The following DPRX variants were observed in gnomAD, a reference collection of about 807,000 sequenced individuals.
DPRX encodes the protein divergent paired-related homeobox.
DPRX carries 11 observed loss-of-function variants against 8.4 expected under a neutral mutation model. The ratio of observed to expected loss-of-function variants is 1.31; its 90% CI spans 0.82 to 2.17. DPRX has a LOEUF of 2.17. Among genes scored for constraint, DPRX ranks in the 30% most tolerant of loss-of-function variants. DPRX has a pLI of 0.00. For synonymous variants in DPRX, 72 were observed against 87.0 expected, an observed-to-expected ratio of 0.83 and a Z score of 0.96; for missense variants, 211 against 236.7, an observed-to-expected ratio of 0.89 and a Z score of 0.71.
At chr19:53,635,968 T>C (rs1374778329) in intron 2 of DPRX, among the ~76,000 whole-genome samples, 1 of 152,150 alleles carries the variant, frequency 6.6e-6, no homozygotes, top group Non-Finnish European at 1.5e-5. Context: ...CTCTCATTTC[T>C]GCTCCTTCCT....
chr19:53,623,615 G>A, the DPRX span, among the ~76,000 whole-genome samples: 4 of 149,908 alleles, frequency 2.7e-5, no homozygotes, highest in African/African-American at 9.9e-5. Context: ...TCCAACCTGG[G>A]CAACGAGAGT....
chr19:53,616,787 C>G, the DPRX span: 1 of 1,566,666 alleles, frequency 6.4e-7, no homozygotes, highest in South Asian at 1.1e-5. Flanking sequence ...CCGAGAATGG[C>G]CCTTGCTGCC....
chr19:53,633,803 C>T (rs979259583), intron 1 of DPRX, among the ~76,000 whole-genome samples: 18 of 151,972 alleles, frequency 1.2e-4, no homozygotes, highest in African/African-American at 4.3e-4. Flanking sequence ...CCACTGTGCC[C>T]GGCCAAATTT....
the DPRX span, among the ~76,000 whole-genome samples, chr19:53,614,280 T>C: frequency 6.6e-6 from 1 of 152,162 alleles, no homozygotes; most frequent in Non-Finnish European, 1.5e-5. Context: ...CCATGAGCGA[T>C]GGTGCGTGCC....
intron 2 of DPRX, among the ~76,000 whole-genome samples, chr19:53,635,028 G>C (rs1287249174): frequency 6.6e-6 from 1 of 152,148 alleles, no homozygotes; most frequent in African/African-American, 2.4e-5. Context: ...GTTGGAGCAC[G>C]GTGGTGCAAT....
the DPRX span, among the ~76,000 whole-genome samples, chr19:53,623,399 GA>G: frequency 6.6e-6 from 1 of 151,952 alleles, no homozygotes. Context: ...AGCACTTTGG[GA>G]GGCCGAGGAG....
At chr19:53,634,805 C>T (rs1001477455) in intron 2 of DPRX, 120 bp downstream of exon 2, 3 of 1,349,024 alleles carry the variant, frequency 2.2e-6, no homozygotes, top group Non-Finnish European at 3.0e-6. Flanking sequence ...AACCCACACT[C>T]TCCTACTCAC....
At chr19:53,602,068 G>A in the DPRX span, 1 of 456,686 alleles carries the variant, frequency 2.2e-6, no homozygotes, top group Admixed American at 2.3e-5. Context: ...ATGAGCACCA[G>A]CAGCAACACA....
chr19:53,630,597 A>T (rs2091088935), upstream of DPRX, among the ~76,000 whole-genome samples: 1 of 151,886 alleles, frequency 6.6e-6, no homozygotes, highest in Admixed American at 6.6e-5. Flanking sequence ...CAGTAGGTCG[A>T]GGCTGCAGTC....
At chr19:53,601,615 G>C in the DPRX span, among the ~76,000 whole-genome samples, 1 of 151,716 alleles carries the variant, frequency 6.6e-6, no homozygotes, top group Non-Finnish European at 1.5e-5. Flanking sequence ...CTGAGTAGCT[G>C]GGATTACCGG....
chr19:53,626,876 A>G, the DPRX span, among the ~76,000 whole-genome samples: 1 of 151,410 alleles, frequency 6.6e-6, no homozygotes, highest in Non-Finnish European at 1.5e-5. Context: ...TTTTTTTTGT[A>G]TTTCTAGTAG....
chr19:53,619,684 AAAAAAC>A, the DPRX span, among the ~76,000 whole-genome samples: 30 of 137,594 alleles, frequency 2.2e-4, no homozygotes, highest in East Asian at 8.4e-4. Flanking sequence ...TCAAAAAAAA[AAAAAAC>A]AAAAAACAGA....
the DPRX span, among the ~76,000 whole-genome samples, chr19:53,627,004 C>A: frequency 3.3e-5 from 5 of 152,070 alleles, no homozygotes; most frequent in Non-Finnish European, 5.9e-5. Context: ...TGTTGCACAT[C>A]TTGACTTCTC....
chr19:53,636,750 C>T (rs769146467), exon 3 of DPRX: 1 of 1,614,100 alleles, frequency 6.2e-7, no homozygotes, highest in East Asian at 2.2e-5. Context: ...TTGCCCAACG[C>T]TGCTCACCCG....
chr19:53,607,294 C>T, the DPRX span, among the ~76,000 whole-genome samples: 1 of 152,334 alleles, frequency 6.6e-6, no homozygotes, highest in Non-Finnish European at 1.5e-5. Flanking sequence ...TGCAATGGCT[C>T]ACGCCTATAA....
the DPRX span, among the ~76,000 whole-genome samples, chr19:53,604,672 A>T: frequency 6.6e-6 from 1 of 152,000 alleles, no homozygotes; most frequent in Non-Finnish European, 1.5e-5. Context: ...GTGAAACGTC[A>T]TCTCTACTAA....
the DPRX span, chr19:53,601,884 A>G: frequency 2.6e-6 from 1 of 389,450 alleles, no homozygotes; most frequent in Non-Finnish European, 5.1e-6. Context: ...TGAACAGTCC[A>G]TTGGTTTTTC....
At chr19:53,613,328 G>T in the DPRX span, among the ~76,000 whole-genome samples, 2 of 151,982 alleles carry the variant, frequency 1.3e-5, no homozygotes, top group African/African-American at 4.8e-5. Flanking sequence ...GGAGGTCACT[G>T]CACGTTGTCA....
At chr19:53,620,299 G>A in the DPRX span, among the ~76,000 whole-genome samples, 676 of 151,932 alleles carry the variant, frequency 4.4e-3, 4 homozygotes, top group Non-Finnish European at 7.6e-3. Flanking sequence ...TCGATCTCCT[G>A]ACCTCATGAT....
Sources: allele counts gnomAD v4.1 joint callset (sites outside exome capture counted in the v4.1 genomes callset), GRCh38; gene constraint gnomAD v4.1.1; transcripts MANE v1.5; gene names NCBI Gene and HGNC (gene_info 2026-07-23, HGNC 2026-07-21).